Variants in DAAM1 observed in about 807,000 individuals in gnomAD.
DAAM1 encodes disheveled-associated activator of morphogenesis 1.
Under a neutral mutation model 130.0 loss-of-function variants are expected in DAAM1, and 52 were observed. The observed-to-expected ratio is 0.40, with a 90% CI of 0.32 to 0.50. The LOEUF (loss-of-function observed/expected upper bound fraction) is 0.50. Ranked by LOEUF, DAAM1 falls within the 20% of genes least tolerant of loss-of-function variation. The pLI is 0.61. For missense variants in DAAM1, 1,134 were observed against 1,303.8 expected (o/e 0.87, Z 2.01); for synonymous variants, 452 against 444.5 (o/e 1.02, Z -0.21).
chr14:59,271,708 C>G (rs931997014), intron 2 of DAAM1, among the ~76,000 whole-genome samples: 2 of 152,166 alleles, frequency 1.3e-5, no homozygotes, highest in African/African-American at 4.8e-5. Flanking sequence ...TGAATTGTTA[C>G]TCCTTTTCTC....
chr14:59,344,263 C>T (rs1330716355), intron 16 of DAAM1, among the ~76,000 whole-genome samples: 1 of 152,188 alleles, frequency 6.6e-6, no homozygotes, highest in African/African-American at 2.4e-5. Flanking sequence ...CTGATCTAGC[C>T]ATCCATCCTT....
intron 1 of DAAM1, among the ~76,000 whole-genome samples, chr14:59,220,840 C>CT (rs910359431): frequency 2.0e-4 from 31 of 152,154 alleles, no homozygotes; most frequent in Non-Finnish European, 3.1e-4. Flanking sequence ...CTTCCTCTGC[C>CT]TTTTTGTTCT....
intron 1 of DAAM1, among the ~76,000 whole-genome samples, chr14:59,197,372 A>T (rs1434642961): frequency 1.3e-5 from 2 of 152,218 alleles, no homozygotes; most frequent in East Asian, 3.8e-4. Context: ...TTTGTTCAGC[A>T]CTGTTGGTAA....
intron 1 of DAAM1, among the ~76,000 whole-genome samples, chr14:59,209,377 T>G (rs2139407899): frequency 6.6e-6 from 1 of 152,350 alleles, no homozygotes. Flanking sequence ...TTTCTTAGGA[T>G]AAATTCATAG....
At chr14:59,276,492 T>A (rs1318586045) in intron 2 of DAAM1, among the ~76,000 whole-genome samples, 1 of 151,924 alleles carries the variant, frequency 6.6e-6, no homozygotes, top group African/African-American at 2.4e-5. Flanking sequence ...TAGTGTTGAG[T>A]TGTGGGGTGG....
At chr14:59,353,693 T>C (rs1384277058) in intron 18 of DAAM1, among the ~76,000 whole-genome samples, 183 bp from the exon 19 acceptor site, 1 of 152,022 alleles carries the variant, frequency 6.6e-6, no homozygotes, top group African/African-American at 2.4e-5. Flanking sequence ...CAAAATGGGC[T>C]CTCCAGGCAA....
rs116667176 is a variant in DAAM1 at position 59,339,502 on chromosome 14, A to G, written c.1969-572A>G. Among the ~76,000 whole-genome samples the G allele has an allele frequency of 4.0e-3, 604 of 152,346 alleles. 10 individuals are homozygous for G. The highest frequency in any genetic ancestry group is 0.014 in the African/African-American group (582 of 41,582). On this transcript the variant is annotated intron_variant, in intron 15 of 24. Coordinates refer to ENST00000360909, the MANE Select transcript of DAAM1 (RefSeq NM_001270520.2). ...GTAGCCTTTTATTGTTAGTTCAGGT[A>G]ACTGAACTCATGCCTCAAACTGCCC...
chr14:59,341,223 C>T (rs1020510705), intron 16 of DAAM1, among the ~76,000 whole-genome samples: 3 of 152,152 alleles, frequency 2.0e-5, no homozygotes, highest in Admixed American at 2.0e-4. Flanking sequence ...GTAACCTGAA[C>T]CATCCTGTTA....
chr14:59,212,647 A>G (rs1888461828), intron 1 of DAAM1, among the ~76,000 whole-genome samples: 1 of 152,236 alleles, frequency 6.6e-6, no homozygotes, highest in South Asian at 2.1e-4. Flanking sequence ...GACATGCCTC[A>G]TAATCCTGCC....
chr14:59,330,715 C>G, intron 13 of DAAM1, 27 bp downstream of exon 13: 1 of 1,575,112 alleles, frequency 6.3e-7, no homozygotes, highest in Non-Finnish European at 8.6e-7. Flanking sequence ...AGCTCACGGG[C>G]AGCTGCCAAG....
At chr14:59,211,887 T>C (rs912729273) in intron 1 of DAAM1, among the ~76,000 whole-genome samples, 1 of 152,224 alleles carries the variant, frequency 6.6e-6, no homozygotes, top group Non-Finnish European at 1.5e-5. Context: ...TATTCAAACA[T>C]ATTTTTCTCA....
chr14:59,289,769 T>TAGATAG (rs1566686615), intron 2 of DAAM1, among the ~76,000 whole-genome samples: 7 of 60,186 alleles, frequency 1.2e-4, no homozygotes, highest in Middle Eastern at 9.3e-3. Flanking sequence ...CAAAATGTGA[T>TAGATAG]ATATATATAT....
intron 3 of DAAM1, among the ~76,000 whole-genome samples, chr14:59,303,418 A>G (rs1437109370): frequency 6.6e-6 from 1 of 152,198 alleles, no homozygotes; most frequent in Non-Finnish European, 1.5e-5. Flanking sequence ...TAGTTGTGCT[A>G]GAGTGATGCA....
intron 1 of DAAM1, among the ~76,000 whole-genome samples, chr14:59,197,250 T>C (rs2139386221): frequency 6.6e-6 from 1 of 152,338 alleles, no homozygotes; most frequent in East Asian, 1.9e-4. Flanking sequence ...GTTAACTCAT[T>C]ATTAGTGGCT....
intron 2 of DAAM1, among the ~76,000 whole-genome samples, chr14:59,266,706 G>T (rs561266053): frequency 2.8e-4 from 42 of 152,314 alleles, no homozygotes; most frequent in African/African-American, 1.0e-3. Context: ...GCCAAGAGAG[G>T]TAGGCTCAAA....
rs557281731 is a variant in DAAM1, at chr14:59,354,205, T to C, written c.2356+241T>C. Among the ~76,000 whole-genome samples the C allele has an allele frequency of 1.4e-4, 21 of 151,998 alleles. No homozygotes were observed. In the South Asian group the frequency reaches 3.1e-3, roughly 23 times the overall value. On this transcript the variant is annotated intron_variant, in intron 19 of 24. Transcript: ENST00000360909. Reference sequence around the variant, plus strand: ...CTTCCTGAGTAGCTGGGACTACAGGTGCCTGCCACCACGCCTGGCTAATTT... The same window carrying C: ...CTTCCTGAGTAGCTGGGACTACAGGCGCCTGCCACCACGCCTGGCTAATTT...
At chr14:59,331,968 C>T in intron 15 of DAAM1, 48 bp downstream of exon 15, 1 of 1,481,770 alleles carries the variant, frequency 6.7e-7, no homozygotes, top group Non-Finnish European at 9.4e-7. Context: ...AAAATCATGT[C>T]TTATGCATGA....
At chr14:59,352,692 T>A (rs901713285) in intron 18 of DAAM1, 60 bp downstream of exon 18, 1 of 1,443,990 alleles carries the variant, frequency 6.9e-7, no homozygotes, top group Non-Finnish European at 9.5e-7. Flanking sequence ...CTTCATGAAT[T>A]TTCAATTCAT....
At chr14:59,238,383 T>C (rs1270123661) in intron 1 of DAAM1, among the ~76,000 whole-genome samples, 1 of 152,174 alleles carries the variant, frequency 6.6e-6, no homozygotes, top group African/African-American at 2.4e-5. Flanking sequence ...TGAACACTCT[T>C]TTGTGGCATT....
Sources: allele counts gnomAD v4.1 joint callset (sites outside exome capture counted in the v4.1 genomes callset), GRCh38; gene constraint gnomAD v4.1.1; transcripts MANE v1.5; gene names NCBI Gene and HGNC (gene_info 2026-07-23, HGNC 2026-07-21).